The following SLC10A5 variants were observed in gnomAD, a reference collection of about 807,000 sequenced individuals.
SLC10A5 encodes the protein solute carrier family 10 member 5, also known as sodium/bile acid cotransporter 5.
For synonymous variants in SLC10A5, 181 were observed against 183.7 expected, an observed-to-expected ratio of 0.99 and a Z score of 0.12; for missense variants, 475 against 500.7, an observed-to-expected ratio of 0.95 and a Z score of 0.49.
chr8:81,694,329 C>T lies in SLC10A5; in HGVS notation c.644G>A (p.Cys215Tyr), dbSNP rs140257699. Reference sequence around the variant, plus strand: ...GAGATAGCCCCCACCCCCTCCTGGGCACGTGCAGGTCATTACAACTCCAAA... The same window carrying T: ...GAGATAGCCCCCACCCCCTCCTGGGTACGTGCAGGTCATTACAACTCCAAA... The part of the protein sequence containing the change: ...QAFGVVMTCT[C>Y]PGGGGGYLFA... The change falls in exon 1 of 1, where the codon TGC becomes TAC. Residue 215 changes from cysteine (C) to tyrosine (Y), a missense_variant. Physicochemically the swap from Cys to Tyr is radical, Grantham distance 194. Transcript: ENST00000518568. 7 of 1,613,778 alleles carry T rather than the reference C, an allele frequency of 4.3e-6. No homozygotes were observed. The East Asian group carries it at 8.9e-5, about 21-fold the overall frequency.
In SLC10A5 at chr8:81,693,747, C is replaced by T; in HGVS notation, c.1226G>A (p.Cys409Tyr). 1 of 1,614,056 alleles carries T rather than the reference C, an allele frequency of 6.2e-7. No individual in the cohort carries two copies. Among genetic ancestry groups the T allele is most frequent in the Non-Finnish European group, 8.5e-7 (1 of 1,180,004 alleles). Residue 409 changes from cysteine (C) to tyrosine (Y), a missense_variant, in exon 1 of 1, where the codon TGT (cysteine) becomes TAT (tyrosine). By Grantham distance (194) the Cys-to-Tyr change is radical. Transcript: ENST00000518568. The part of the protein sequence containing the change: ...APFTVAMCSG[C>Y]EMLLIILVYK... The stretch of plus-strand genomic sequence containing the variant: ...AACTAGAATGATCAGTAACATTTCA[C>T]ATCCAGAACACATGGCTACTGTAAA...
In SLC10A5 at chr8:81,694,911, A is replaced by T. The variant is rs1807705403; in HGVS notation, c.62T>A (p.Met21Lys). Residue 21 changes from methionine to lysine, a missense_variant, in exon 1 of 1, where the codon ATG becomes AAG. Met to Lys is a moderately conservative substitution (Grantham distance 95, BLOSUM62 -1). Coordinates refer to ENST00000518568, the MANE Select transcript of SLC10A5 (RefSeq NM_001010893.3). ...TATATTCAGAAAACTGAGCGATGAC[A>T]TCCTTGCTTCTTCTATAGTCACAAG... ...LLLVTIEEAR[M>K]SSLSFLNIEK... is the part of the protein sequence containing the mutation. 1.2e-6 allele frequency: 2 copies of T among 1,600,802 alleles called. No homozygotes were observed. Among genetic ancestry groups the T allele is most frequent in the East Asian group, 4.5e-5 (2 of 44,816 alleles).
In SLC10A5 at chr8:81,693,996, A is replaced by G; in HGVS notation, c.977T>C (p.Leu326Ser). 6.2e-7 allele frequency: 1 copy of G among 1,613,914 alleles called. No homozygotes were observed. The highest frequency in any genetic ancestry group is 8.5e-7 in the Non-Finnish European group (1 of 1,180,032). The change falls in exon 1 of 1, where the codon TTA becomes TCA. Residue 326 changes from leucine to serine, a missense_variant. By Grantham distance (145) the Leu-to-Ser change is moderately radical. Coordinates refer to ENST00000518568, the MANE Select transcript of SLC10A5 (RefSeq NM_001010893.3). The part of the protein sequence containing the change: ...VGIYLTFTVG[L>S]VFLKTDNLEV... ...TAGATTATCTGTTTTTAAGAACACT[A>G]ATCCCACTGTGAAAGTCAAATAAAT... is the stretch of plus-strand genomic sequence containing the variant.
Position 81,693,634 on chromosome 8 carries a change from G to A in SLC10A5, c.*22C>T, listed in dbSNP as rs756428619. On this transcript the variant is annotated 3_prime_UTR_variant, in exon 1 of 1. Transcript: ENST00000518568. ...TCCCACAGTGCCCTACCCAGAGTAG[G>A]AATTCAGTAATGCTTTAATTGTTAG... 2.2e-5 allele frequency: 34 copies of A among 1,532,260 alleles called. No individual in the cohort carries two copies. Among genetic ancestry groups the A allele is most frequent in the Non-Finnish European group, 2.6e-5 (29 of 1,134,140 alleles). The allele number at this position is 1,532,260 out of a possible 1,614,324, so 94.9% of individuals were successfully genotyped here.
chr8:81,693,731 G>A lies in SLC10A5; in HGVS notation c.1242C>T (p.Ile414=). ...AMCSGCEMLL[I]ILVYKAKKRC... ...TTTTCTTAGCCTTGTAAACTAGAAT[G>A]ATCAGTAACATTTCACATCCAGAAC... Residue 414 remains isoleucine (I), a synonymous_variant, in exon 1 of 1, where the codon ATC becomes ATT. Coordinates refer to ENST00000518568, the MANE Select transcript of SLC10A5 (RefSeq NM_001010893.3). 1 of 1,613,514 alleles carries A rather than the reference G, an allele frequency of 6.2e-7. No homozygotes were observed. The highest frequency in any genetic ancestry group is 8.5e-7 in the Non-Finnish European group (1 of 1,179,924).
In SLC10A5 at chr8:81,693,882, A is replaced by G; in HGVS notation, c.1091T>C (p.Val364Ala). The change falls in exon 1 of 1, where the codon GTT (valine) becomes GCT (alanine). Residue 364 changes from valine to alanine, a missense_variant. Physicochemically the swap from Val to Ala is moderately conservative, Grantham distance 64. Coordinates refer to ENST00000518568, the MANE Select transcript of SLC10A5 (RefSeq NM_001010893.3). ...ACTTTCAATAGCAACAGTTTTACAA[A>G]CAGGAAGAGGCAGCGTACAAACTTT... ...FAKVCTLPLPVCKTVAIESGM... is the reference protein window; with the variant it reads ...FAKVCTLPLPACKTVAIESGM... 1 of 1,613,802 alleles carries G rather than the reference A, an allele frequency of 6.2e-7. No individual in the cohort carries two copies. The highest frequency in any genetic ancestry group is 8.5e-7 in the Non-Finnish European group (1 of 1,179,956).
chr8:81,694,393 G>A lies in SLC10A5; in HGVS notation c.580C>T (p.Leu194Phe). ...GGCAATGCCACAATCTGAGACAAAA[G>A]AAACCCGCAAAATGGCATCAGAAAA... The part of the protein sequence containing the change: ...QFFLMPFCGF[L>F]LSQIVALPEA... The change falls in exon 1 of 1, where the codon CTT becomes TTT. Residue 194 changes from leucine (L) to phenylalanine (F), a missense_variant. Leu to Phe is a conservative substitution (Grantham distance 22, BLOSUM62 0). Coordinates refer to ENST00000518568, the MANE Select transcript of SLC10A5 (RefSeq NM_001010893.3). 6.2e-7 allele frequency: 1 copy of A among 1,613,486 alleles called. No individual in the cohort carries two copies. The highest frequency in any genetic ancestry group is 1.7e-5 in the Admixed American group (1 of 59,918).
Position 81,694,458 on chromosome 8 carries a change from T to C in SLC10A5, c.515A>G (p.Lys172Arg). 1.2e-6 allele frequency: 2 copies of C among 1,614,254 alleles called. No individual in the cohort carries two copies. The highest frequency in any genetic ancestry group is 1.7e-6 in the Non-Finnish European group (2 of 1,180,040). ...CCCAAGAATTACTGGCAAAGGTCTCTTCCATACTGTTTGAAACAGCTGTAA... is the reference window on the plus strand; with the variant it reads ...CCCAAGAATTACTGGCAAAGGTCTCCTCCATACTGTTTGAAACAGCTGTAA... ...IELQLFQTVW[K>R]RPLPVILGAV... The change falls in exon 1 of 1, where the codon AAG (lysine) becomes AGG (arginine). Residue 172 changes from lysine to arginine, a missense_variant. By Grantham distance (26) the Lys-to-Arg change is conservative. Transcript: ENST00000518568.
Position 81,693,839 on chromosome 8 carries a change from G to T in SLC10A5, c.1134C>A (p.Phe378Leu), listed in dbSNP as rs754034601. The change falls in exon 1 of 1, where the codon TTC (phenylalanine) becomes TTA (leucine). Residue 378 changes from phenylalanine to leucine, a missense_variant. By Grantham distance (22) the Phe-to-Leu change is conservative (BLOSUM62 0). Coordinates refer to ENST00000518568, the MANE Select transcript of SLC10A5 (RefSeq NM_001010893.3). ...VAIESGMLNS[F>L]LALAVIQLSF... is the part of the protein sequence containing the mutation. The stretch of plus-strand genomic sequence containing the variant: ...ACAGCTGAATAACGGCAAGAGCTAA[G>T]AAACTATTTAACATCCCACTTTCAA... The T allele has an allele frequency of 2.4e-5, 38 of 1,613,710 alleles. No homozygotes were observed. The East Asian group carries it at 7.8e-4, about 33-fold the overall frequency.
In SLC10A5 at chr8:81,694,849, CTTCAGTCTTTGTGAAAAATAGTAT is replaced by C. The variant is rs774739120; in HGVS notation, c.100_123del (p.Ile34_Glu41del). On this transcript the variant is annotated inframe_deletion, in exon 1 of 1. Coordinates refer to ENST00000518568, the MANE Select transcript of SLC10A5 (RefSeq NM_001010893.3). ...TAGCTTGAACTTACAAGGATGGTTT[CTTCAGTCTTTGTGAAAAATAGTAT>C]TTCAGTCTTCTCTATATTCAGAAAA... 9 of 1,613,778 alleles carry C rather than the reference CTTCAGTCTTTGTGAAAAATAGTAT, an allele frequency of 5.6e-6. No individual in the cohort carries two copies. In the Admixed American group the frequency reaches 1.0e-4, roughly 18 times the overall value.
Position 81,694,058 on chromosome 8 carries a change from TA to T in SLC10A5, c.914del (p.Ile305LysfsTer5), listed in dbSNP as rs1807687403. ...IPEKASFLERIIRPLSFILMF... is the reference protein window; with the variant it reads ...IPEKASFLERXIRPLSFILMF... ...TTAAAATAAAACTCAGAGGTCTAAT[TA>T]TTCTCTCTAAGAAGCTTGCTTTTTC... On this transcript the variant is annotated frameshift_variant, in exon 1 of 1. Coordinates refer to ENST00000518568, the MANE Select transcript of SLC10A5 (RefSeq NM_001010893.3). LOFTEE classifies it low-confidence loss of function (END_TRUNC). 6.2e-7 allele frequency: 1 copy of T among 1,613,914 alleles called. No individual in the cohort carries two copies. The highest frequency in any genetic ancestry group is 1.7e-5 in the Admixed American group (1 of 59,990).
rs769155292 is a variant in SLC10A5, at chr8:81,694,028, G to C, written c.945C>G (p.Phe315Leu). 1 of 1,613,712 alleles carries C rather than the reference G, an allele frequency of 6.2e-7. No individual in the cohort carries two copies. Among genetic ancestry groups the C allele is most frequent in the South Asian group, 1.1e-5 (1 of 91,056 alleles). Residue 315 changes from phenylalanine (F) to leucine (L), a missense_variant, in exon 1 of 1, where the codon TTC becomes TTG. Phe to Leu is a conservative substitution (Grantham distance 22). Coordinates refer to ENST00000518568, the MANE Select transcript of SLC10A5 (RefSeq NM_001010893.3). ...CTGTGAAAGTCAAATAAATTCCTAC[G>C]AACATTAAAATAAAACTCAGAGGTC... ...IIRPLSFILM[F>L]VGIYLTFTVG...
Position 81,694,126 on chromosome 8 carries a change from C to T in SLC10A5, c.847G>A (p.Val283Met), listed in dbSNP as rs774244019. The T allele has an allele frequency of 6.2e-7, 1 of 1,614,048 alleles. No individual in the cohort carries two copies. Among genetic ancestry groups the T allele is most frequent in the Non-Finnish European group, 8.5e-7 (1 of 1,180,012 alleles). The change falls in exon 1 of 1, where the codon GTG becomes ATG. Residue 283 changes from valine (V) to methionine (M), a missense_variant. Transcript: ENST00000518568. ...KIVSTLLFIL[V>M]PVSIGIVIKH... The stretch of plus-strand genomic sequence containing the variant: ...ATGACTATTCCAATTGATACTGGCA[C>T]AAGTATGAAAAGGAGTGTTGACACA...
In SLC10A5 at chr8:81,693,867, G is replaced by C; in HGVS notation, c.1106C>G (p.Ala369Gly). Residue 369 changes from alanine to glycine, a missense_variant, in exon 1 of 1, where the codon GCT (alanine) becomes GGT (glycine). Physicochemically the swap from Ala to Gly is moderately conservative, Grantham distance 60. Coordinates refer to ENST00000518568, the MANE Select transcript of SLC10A5 (RefSeq NM_001010893.3). ...TLPLPVCKTV[A>G]IESGMLNSFL... ...ACTATTTAACATCCCACTTTCAATA[G>C]CAACAGTTTTACAAACAGGAAGAGG... 6.2e-7 allele frequency: 1 copy of C among 1,613,754 alleles called. No homozygotes were observed. The highest frequency in any genetic ancestry group is 8.5e-7 in the Non-Finnish European group (1 of 1,179,946).
chr8:81,694,634 T>A lies in SLC10A5; in HGVS notation c.339A>T (p.Arg113Ser), dbSNP rs745403101. Residue 113 changes from arginine to serine, a missense_variant, in exon 1 of 1, where the codon AGA becomes AGT. Transcript: ENST00000518568. ...QLWDSEGRQERLIEEIKNVKV... is the reference protein window; with the variant it reads ...QLWDSEGRQESLIEEIKNVKV... ...TCACATTCTTGATTTCTTCAATGAGTCTTTCTTGCCTACCTTCAGAATCCC... is the reference window on the plus strand; with the variant it reads ...TCACATTCTTGATTTCTTCAATGAGACTTTCTTGCCTACCTTCAGAATCCC... 9.9e-6 allele frequency: 16 copies of A among 1,614,010 alleles called. No individual in the cohort carries two copies. In the East Asian group the frequency reaches 3.6e-4, roughly 36 times the overall value.
At position 81,694,229 on chromosome 8, in the gene SLC10A5, G is replaced by C. The variant is rs746137413; in HGVS notation, c.744C>G (p.Ile248Met). The C allele has an allele frequency of 7.4e-6, 12 of 1,614,122 alleles. No homozygotes were observed. The highest frequency in any genetic ancestry group is 8.5e-6 in the Non-Finnish European group (10 of 1,180,020). ...MTCTSTLLAL[I>M]MMPVNSYIYS... ...ATATATAAGAATTGACAGGCATCAT[G>C]ATCAGAGCCAATAATGTTGATGTGC... is the stretch of plus-strand genomic sequence containing the variant. Residue 248 changes from isoleucine to methionine, a missense_variant, in exon 1 of 1, where the codon ATC (isoleucine) becomes ATG (methionine). Ile to Met is a conservative substitution (Grantham distance 10). Coordinates refer to ENST00000518568, the MANE Select transcript of SLC10A5 (RefSeq NM_001010893.3).
Position 81,694,313 on chromosome 8 carries a change from C to T in SLC10A5, c.660G>A (p.Gly220=), listed in dbSNP as rs757386073. 2 of 1,613,906 alleles carry T rather than the reference C, an allele frequency of 1.2e-6. No individual in the cohort carries two copies. Among genetic ancestry groups the T allele is most frequent in the Non-Finnish European group, 1.7e-6 (2 of 1,179,986 alleles). ...VMTCTCPGGG[G]GYLFALLLDG... The stretch of plus-strand genomic sequence containing the variant: ...CTAGAAGCAGAGCAAAGAGATAGCC[C>T]CCACCCCCTCCTGGGCACGTGCAGG... Residue 220 remains glycine (G), a synonymous_variant, in exon 1 of 1, where the codon GGG becomes GGA. Coordinates refer to ENST00000518568, the MANE Select transcript of SLC10A5 (RefSeq NM_001010893.3).
chr8:81,694,331 C>G lies in SLC10A5; in HGVS notation c.642G>C (p.Thr214=), dbSNP rs1328908455. The G allele has an allele frequency of 1.6e-5, 26 of 1,613,674 alleles. No individual in the cohort carries two copies. The Admixed American group carries it at 4.3e-4, about 27-fold the overall frequency. The change falls in exon 1 of 1, where the codon ACG becomes ACC. Residue 214 remains threonine (T), a synonymous_variant. Transcript: ENST00000518568. ...GATAGCCCCCACCCCCTCCTGGGCA[C>G]GTGCAGGTCATTACAACTCCAAAAG... The part of the protein sequence containing the change: ...AQAFGVVMTC[T]CPGGGGGYLF...
In SLC10A5 at chr8:81,693,701, A is replaced by G. The variant is rs1224714235; in HGVS notation, c.1272T>C (p.Cys424=). The G allele has an allele frequency of 1.3e-6, 2 of 1,593,938 alleles. No individual in the cohort carries two copies. Among genetic ancestry groups the G allele is most frequent in the East Asian group, 4.5e-5 (2 of 44,804 alleles). Residue 424 remains cysteine (C), a synonymous_variant, in exon 1 of 1, where the codon TGT becomes TGC. Coordinates refer to ENST00000518568, the MANE Select transcript of SLC10A5 (RefSeq NM_001010893.3). ...IILVYKAKKR[C]IFFLQDKRKR... ...TCCTTTTATCTTGTAAGAAAAAGAT[A>G]CATCTTTTCTTAGCCTTGTAAACTA...
Sources: gnomAD v4.1 joint callset for allele counts on GRCh38, gnomAD v4.1.1 for gene constraint, MANE v1.5 for transcripts, NCBI Gene and HGNC (gene_info 2026-07-23, HGNC 2026-07-21) for gene names.